LINGO2: variants seen among roughly 807,000 people sequenced by gnomAD.
The protein encoded by LINGO2 is leucine-rich repeat and immunoglobulin-like domain-containing nogo receptor-interacting protein 2.
A neutral mutation model predicts 30.6 loss-of-function variants in LINGO2; 14 were observed. That is an observed-to-expected ratio of 0.46 (90% CI 0.30 to 0.72). The LOEUF is 0.72. LINGO2 is among the 30% of genes least tolerant of loss of function. The probability of loss-of-function intolerance (pLI) is 0.07; values close to 1 mark genes in which losing one functional copy is unlikely to be tolerated. For missense variants in LINGO2, 729 were observed against 751.7 expected (o/e 0.97, Z 0.35); for synonymous variants, 317 against 288.5 (o/e 1.10, Z -1.00).
chr9:29,209,242 A>T, the LINGO2 span, among the ~76,000 whole-genome samples: 22 of 152,162 alleles, frequency 1.4e-4, no homozygotes, highest in African/African-American at 5.3e-4. Context: ...CACTTTCCAG[A>T]AACGAAAGGC....
At chr9:29,028,666 G>T in the LINGO2 span, among the ~76,000 whole-genome samples, 1 of 152,068 alleles carries the variant, frequency 6.6e-6, no homozygotes, top group Non-Finnish European at 1.5e-5. Context: ...AAGAGGTCTC[G>T]CATTCTTACT....
chr9:28,795,909 T>C, the LINGO2 span, among the ~76,000 whole-genome samples: 5 of 151,710 alleles, frequency 3.3e-5, no homozygotes, highest in African/African-American at 1.2e-4. Flanking sequence ...TATTACTGAA[T>C]GGAATTATGG....
At chr9:28,989,817 A>C in the LINGO2 span, among the ~76,000 whole-genome samples, 5 of 152,212 alleles carry the variant, frequency 3.3e-5, no homozygotes, top group African/African-American at 7.2e-5. Context: ...AAACATATGT[A>C]AATGTTTGCA....
chr9:28,840,946 G>C, the LINGO2 span, among the ~76,000 whole-genome samples: 1 of 151,702 alleles, frequency 6.6e-6, no homozygotes, highest in Non-Finnish European at 1.5e-5. Context: ...TCCTACCTTT[G>C]AGTTTTTTCA....
chr9:28,937,174 G>T, the LINGO2 span, among the ~76,000 whole-genome samples: 1 of 152,010 alleles, frequency 6.6e-6, no homozygotes, highest in Admixed American at 6.6e-5. Flanking sequence ...CATGTTCTCT[G>T]GCATGCAAAA....
At chr9:28,657,937 T>C (rs1828426343) in intron 1 of LINGO2, among the ~76,000 whole-genome samples, 1 of 152,044 alleles carries the variant, frequency 6.6e-6, no homozygotes, top group Non-Finnish European at 1.5e-5. Context: ...AGTTGTTATC[T>C]AATGCATTTT....
At chr9:28,279,563 T>C (rs1823246514) in intron 4 of LINGO2, among the ~76,000 whole-genome samples, 1 of 152,182 alleles carries the variant, frequency 6.6e-6, no homozygotes, top group Non-Finnish European at 1.5e-5. Context: ...TTAGCATTCT[T>C]TAGCTTATTT....
At chr9:28,418,408 C>T (rs1418382267) in intron 2 of LINGO2, among the ~76,000 whole-genome samples, 1 of 150,818 alleles carries the variant, frequency 6.6e-6, no homozygotes, top group Non-Finnish European at 1.5e-5. Context: ...CCTCCTGAGT[C>T]GCTAGGATTA....
the LINGO2 span, among the ~76,000 whole-genome samples, chr9:28,742,454 C>T: frequency 0.98 from 148,108 of 151,656 alleles, 72,414 homozygotes; most frequent in Non-Finnish European, 1. Flanking sequence ...CTACTTTTTT[C>T]TGGAGTTATT....
At chr9:28,097,292 C>G (rs1171787867) in intron 4 of LINGO2, among the ~76,000 whole-genome samples, 2 of 151,948 alleles carry the variant, frequency 1.3e-5, no homozygotes, top group African/African-American at 4.8e-5. Context: ...CCTCAGGGAT[C>G]TAGAACTAGA....
At chr9:28,693,451 C>A in the LINGO2 span, among the ~76,000 whole-genome samples, 1 of 151,976 alleles carries the variant, frequency 6.6e-6, no homozygotes, top group Non-Finnish European at 1.5e-5. Context: ...TTTTAAGAGG[C>A]CATTATGTGG....
intron 1 of LINGO2, among the ~76,000 whole-genome samples, chr9:28,479,240 GA>G (rs1277441186): frequency 6.6e-6 from 1 of 151,882 alleles, no homozygotes; most frequent in Non-Finnish European, 1.5e-5. Context: ...TGGCAAAAAT[GA>G]TATTAAATTC....
intron 1 of LINGO2, among the ~76,000 whole-genome samples, chr9:28,543,049 A>C (rs2135469615): frequency 6.6e-6 from 1 of 152,262 alleles, no homozygotes; most frequent in South Asian, 2.1e-4. Flanking sequence ...TGCCAAATGC[A>C]CTAGACGATC....
intron 3 of LINGO2, among the ~76,000 whole-genome samples, chr9:28,327,261 G>A (rs1825264431): frequency 6.6e-6 from 1 of 152,090 alleles, no homozygotes; most frequent in Admixed American, 6.6e-5. Context: ...CCCAGTCTAA[G>A]GTATTTTGTT....
the LINGO2 span, among the ~76,000 whole-genome samples, chr9:29,199,215 T>C: frequency 1.6e-4 from 25 of 152,194 alleles, no homozygotes; most frequent in Admixed American, 1.4e-3. Context: ...GTTCAGCCTA[T>C]CACTGACATT....
the LINGO2 span, among the ~76,000 whole-genome samples, chr9:28,897,297 T>A: frequency 1.3e-5 from 2 of 152,096 alleles, no homozygotes; most frequent in Non-Finnish European, 2.9e-5. Context: ...TTGGGGAAAG[T>A]TCCACATAGG....
Position 28,569,138 on chromosome 9 carries a change from A to G in LINGO2, c.-364-93113T>C, listed in dbSNP as rs112103830. Among the ~76,000 whole-genome samples, 38 of 152,154 alleles carry G rather than the reference A, an allele frequency of 2.5e-4. 1 individual carries two copies. The South Asian group carries it at 7.7e-3, about 31-fold the overall frequency. ...ATTATCAGAAAGATGAAAAATAACA[A>G]GAGTGTTTATGTAAATGTACTGAAA... On this transcript the variant is annotated intron_variant, in intron 1 of 5. Coordinates refer to ENST00000379992, the Ensembl canonical transcript of LINGO2.
At chr9:28,985,496 T>G in the LINGO2 span, among the ~76,000 whole-genome samples, 3 of 152,232 alleles carry the variant, frequency 2.0e-5, no homozygotes, top group Non-Finnish European at 4.4e-5. Flanking sequence ...GGTACAAAAT[T>G]TCCTTCTCTC....
chr9:28,152,638 T>C (rs1244876748), intron 4 of LINGO2, among the ~76,000 whole-genome samples: 1 of 152,152 alleles, frequency 6.6e-6, no homozygotes, highest in Admixed American at 6.5e-5. Context: ...AAATAGCTAT[T>C]TGCTAAATGT....
Sources: gnomAD v4.1 joint callset for allele counts (sites outside exome capture counted in the v4.1 genomes callset) on GRCh38, gnomAD v4.1.1 for gene constraint, MANE v1.5 for transcripts, NCBI Gene and HGNC (gene_info 2026-07-23, HGNC 2026-07-21) for gene names.